The following FAM13A variants were observed in gnomAD, a reference collection of about 807,000 sequenced individuals.
FAM13A encodes family with sequence similarity 13 member A, also known as protein FAM13A.
In FAM13A, 76 loss-of-function variants were observed where a neutral mutation model predicts 129.6. The ratio of observed to expected loss-of-function variants is 0.59; its 90% CI spans 0.49 to 0.71. The LOEUF (loss-of-function observed/expected upper bound fraction) is 0.71. Ranked by LOEUF, FAM13A falls within the 30% of genes least tolerant of loss-of-function variation. The pLI, the probability that FAM13A is intolerant of heterozygous loss-of-function variation, is 0.00. For missense variants in FAM13A, 1,108 were observed against 1,249.3 expected, an observed-to-expected ratio of 0.89 and a Z score of 1.70; for synonymous variants, 443 against 449.9, an observed-to-expected ratio of 0.98 and a Z score of 0.20.
chr4:88,739,623 A>C (rs1242183804), intron 19 of FAM13A, among the ~76,000 whole-genome samples: 1 of 98,082 alleles, frequency 1.0e-5, no homozygotes, highest in Non-Finnish European at 2.0e-5. Context: ...AAAAAATACA[A>C]AAAAAAAAAA....
intron 5 of FAM13A, among the ~76,000 whole-genome samples, chr4:88,919,855 C>T (rs1176672919): frequency 6.6e-6 from 1 of 152,248 alleles, no homozygotes; most frequent in Admixed American, 6.5e-5. Context: ...TAATACTGCG[C>T]TTTTCCGACG....
chr4:88,980,255 G>T (rs1228361509), intron 4 of FAM13A, among the ~76,000 whole-genome samples: 1 of 152,186 alleles, frequency 6.6e-6, no homozygotes, highest in Non-Finnish European at 1.5e-5. Flanking sequence ...TTTATAAACT[G>T]ACGTGTGACC....
In FAM13A at chr4:88,982,361, C is replaced by A. The variant is rs1761753214; in HGVS notation, c.605+8612G>T. Reference sequence around the variant, plus strand: ...ATGGGCAGAGCCCATAAAACCTGATCTTTCCCTTAATGCAATTTTAAATGT... The same window carrying A: ...ATGGGCAGAGCCCATAAAACCTGATATTTCCCTTAATGCAATTTTAAATGT... On this transcript the variant is annotated intron_variant, in intron 4 of 23. Transcript: ENST00000264344. Among the ~76,000 whole-genome samples the A allele has an allele frequency of 2.6e-5, 4 of 152,256 alleles. No homozygotes were observed. The South Asian group carries it at 8.3e-4, about 31-fold the overall frequency.
At chr4:88,910,651 A>AT (rs1579232939) in intron 5 of FAM13A, among the ~76,000 whole-genome samples, 1 of 149,810 alleles carries the variant, frequency 6.7e-6, no homozygotes, top group East Asian at 2.0e-4. Flanking sequence ...ACTGGTTTTA[A>AT]TTCTTTTTTT....
intron 6 of FAM13A, among the ~76,000 whole-genome samples, chr4:88,903,427 T>C (rs940433354): frequency 8.6e-5 from 13 of 151,926 alleles, no homozygotes; most frequent in Admixed American, 7.9e-4. Flanking sequence ...CATGGACCAA[T>C]GGAATAGAAT....
chr4:88,738,789 C>T (rs113921144), intron 20 of FAM13A, among the ~76,000 whole-genome samples: 3,238 of 152,270 alleles, frequency 0.021, 105 homozygotes, highest in African/African-American at 0.074. Flanking sequence ...CAAAGCATGT[C>T]CTCCAAAAGG....
intron 9 of FAM13A, 133 bp from the exon 10 acceptor site, chr4:88,788,065 G>A: frequency 1.7e-6 from 1 of 605,020 alleles, no homozygotes; most frequent in Non-Finnish European, 2.7e-6. Flanking sequence ...AGCAAAGAGA[G>A]ATGATGAGGC....
intron 5 of FAM13A, among the ~76,000 whole-genome samples, chr4:88,929,673 ATTATT>A (rs1752743397): frequency 2.0e-5 from 3 of 151,984 alleles, no homozygotes; most frequent in African/African-American, 7.3e-5. Flanking sequence ...GGTCAAGTCT[ATTATT>A]GGAGCTTTCA....
chr4:88,828,429 T>G (rs929399254), intron 7 of FAM13A, among the ~76,000 whole-genome samples: 4 of 152,216 alleles, frequency 2.6e-5, no homozygotes, highest in Non-Finnish European at 5.9e-5. Flanking sequence ...TGAGCCACTA[T>G]GTTTGGCCAA....
At chr4:89,034,689 C>A (rs1828735) in intron 1 of FAM13A, among the ~76,000 whole-genome samples, 15,940 of 152,162 alleles carry the variant, frequency 0.1, 906 homozygotes, top group African/African-American at 0.14. Context: ...TGAGGCCAGC[C>A]TGGCCAACAT....
chr4:88,870,298 C>T (rs1428685255), intron 6 of FAM13A, among the ~76,000 whole-genome samples: 1 of 152,170 alleles, frequency 6.6e-6, no homozygotes, highest in Non-Finnish European at 1.5e-5. Context: ...GTGGGTGCAG[C>T]CCACGGAGGG....
intron 21 of FAM13A, among the ~76,000 whole-genome samples, chr4:88,733,624 G>C (rs1159364142): frequency 6.6e-6 from 1 of 152,134 alleles, no homozygotes; most frequent in Non-Finnish European, 1.5e-5. Flanking sequence ...CCTGGATAAG[G>C]AAAACAGGGT....
At position 88,725,980 on chromosome 4, in the gene FAM13A, ATTCT is replaced by A. The variant is rs34123244; in HGVS notation, c.*2549_*2552del. 6.6e-6 allele frequency: 1 copy of A among 152,050 alleles called. No individual in the cohort carries two copies. 9.4% of individuals were successfully genotyped at this position (152,050 alleles called of 1,614,324 possible). A position where few individuals can be genotyped will look rare whatever the true frequency, so the allele number is the denominator to read the frequency against. ...GAAAATTATAAGTCTGCACTCTTTA[ATTCT>A]TAAGTTTACTTACACTTATGAAATA... On this transcript the variant is annotated 3_prime_UTR_variant, in exon 24 of 24. Coordinates refer to ENST00000264344, the MANE Select transcript of FAM13A (RefSeq NM_014883.4).
At chr4:88,851,242 A>G in intron 6 of FAM13A, 59 bp from the exon 7 acceptor site, 6 of 1,419,276 alleles carry the variant, frequency 4.2e-6, no homozygotes, top group Non-Finnish European at 5.7e-6. Context: ...AGTCTTTCAA[A>G]TTAAGTTTAT....
At chr4:88,927,201 AT>A (rs374954541) in intron 5 of FAM13A, among the ~76,000 whole-genome samples, 5,616 of 145,334 alleles carry the variant, frequency 0.039, 142 homozygotes, top group Middle Eastern at 0.049. Context: ...TCCTATGTAT[AT>A]TTTTTTTTTT....
intron 6 of FAM13A, among the ~76,000 whole-genome samples, chr4:88,851,792 G>A (rs1027516880): frequency 4.6e-5 from 7 of 152,138 alleles, no homozygotes; most frequent in African/African-American, 1.4e-4. Context: ...GGTAATATAT[G>A]TCCCAAATGA....
At chr4:89,056,856 C>T in intron 1 of FAM13A, 82 bp downstream of exon 1, 1 of 1,327,526 alleles carries the variant, frequency 7.5e-7, no homozygotes, top group South Asian at 1.3e-5. Flanking sequence ...GTTACACAAA[C>T]ATCTCATCAA....
Position 88,949,946 on chromosome 4 carries a change from C to T in FAM13A, c.606-11705G>A, listed in dbSNP as rs187872423. Among the ~76,000 whole-genome samples, 5 of 152,262 alleles carry T rather than the reference C, an allele frequency of 3.3e-5. No homozygotes were observed. The East Asian group carries it at 9.6e-4, about 29-fold the overall frequency. On this transcript the variant is annotated intron_variant, in intron 4 of 23. Transcript: ENST00000264344. ...AAGTACTACATCAACAATTACCCAA[C>T]CATGTCTACATAGTAATCAATATTT...
At chr4:88,783,969 C>T (rs557403136) in intron 10 of FAM13A, among the ~76,000 whole-genome samples, 8 of 152,070 alleles carry the variant, frequency 5.3e-5, no homozygotes, top group Admixed American at 1.3e-4. Context: ...GCCACCCAGT[C>T]GGTGGTATTT....
Sources: allele counts gnomAD v4.1 joint callset (sites outside exome capture counted in the v4.1 genomes callset), GRCh38; gene constraint gnomAD v4.1.1; transcripts MANE v1.5; gene names NCBI Gene and HGNC (gene_info 2026-07-23, HGNC 2026-07-21).